The following KCNU1 variants were observed in gnomAD, a reference collection of about 807,000 sequenced individuals.
The protein encoded by KCNU1 is potassium calcium-activated channel subfamily U member 1.
In KCNU1, 93 loss-of-function variants were observed where a neutral mutation model predicts 126.8. The observed-to-expected ratio is 0.73, with a 90% CI of 0.62 to 0.87. KCNU1 has a LOEUF of 0.87. Among genes scored for constraint, KCNU1 ranks in the 40% least tolerant of loss-of-function variants. The pLI, the probability that KCNU1 is intolerant of heterozygous loss-of-function variation, is 0.00. For synonymous variants in KCNU1, 523 were observed against 494.2 expected (o/e 1.06, Z -0.77); for missense variants, 1,330 against 1,367.1 (o/e 0.97, Z 0.43).
intron 19 of KCNU1, among the ~76,000 whole-genome samples, chr8:36,880,392 A>G (rs1806432211): frequency 6.6e-6 from 1 of 152,102 alleles, no homozygotes; most frequent in Admixed American, 6.6e-5. Flanking sequence ...GGCCTCTTGG[A>G]GCTGAGTCAA....
intron 18 of KCNU1, among the ~76,000 whole-genome samples, chr8:36,851,172 T>C (rs1415978573): frequency 6.6e-6 from 1 of 152,198 alleles, no homozygotes; most frequent in East Asian, 1.9e-4. Context: ...TTTGGAAATA[T>C]CTTAATTATA....
At chr8:36,900,058 T>C (rs1047145741) in intron 19 of KCNU1, among the ~76,000 whole-genome samples, 2 of 152,132 alleles carry the variant, frequency 1.3e-5, no homozygotes, top group Non-Finnish European at 2.9e-5. Context: ...CAGGCTGCTG[T>C]CAACGTATGT....
chr8:36,881,866 A>G (rs915706021), intron 19 of KCNU1, among the ~76,000 whole-genome samples: 10 of 150,750 alleles, frequency 6.6e-5, no homozygotes, highest in African/African-American at 2.4e-4. Context: ...TGGCCCCTAC[A>G]TTTGTCAAAG....
intron 22 of KCNU1, among the ~76,000 whole-genome samples, chr8:36,913,657 G>A (rs933819347): frequency 6.7e-5 from 10 of 150,018 alleles, no homozygotes; most frequent in East Asian, 2.0e-4. Flanking sequence ...GCTGGAGTGC[G>A]GTGGTGCGAT....
At chr8:36,841,497 G>T (rs973994993) in intron 16 of KCNU1, among the ~76,000 whole-genome samples, 3 of 152,104 alleles carry the variant, frequency 2.0e-5, no homozygotes, top group Non-Finnish European at 2.9e-5. Context: ...TTCAAGAGCA[G>T]CCTGGCCAAC....
chr8:36,820,170 T>C (rs1034265716), intron 10 of KCNU1, among the ~76,000 whole-genome samples: 3 of 152,178 alleles, frequency 2.0e-5, no homozygotes, highest in Non-Finnish European at 2.9e-5. Flanking sequence ...CAACAATACA[T>C]GGAACGGAAG....
rs370401497 is a variant in KCNU1, at chr8:36,836,391, A to G, written c.1365+26A>G. The stretch of plus-strand genomic sequence containing the variant: ...GTATAGTAACATTCTAGCATATTCC[A>G]TCTCCTCCTTTTATCTATATAGCTA... On this transcript the variant is annotated intron_variant, in intron 13 of 26. Transcript: ENST00000399881. 10 of 1,432,996 alleles carry G rather than the reference A, an allele frequency of 7.0e-6. No homozygotes were observed. The African/African-American group carries it at 9.8e-5, about 14-fold the overall frequency. 88.8% of individuals were successfully genotyped at this position (1,432,996 alleles called of 1,614,324 possible).
At chr8:36,912,695 G>C (rs921093641) in intron 22 of KCNU1, among the ~76,000 whole-genome samples, 2 of 152,010 alleles carry the variant, frequency 1.3e-5, no homozygotes, top group African/African-American at 4.8e-5. Context: ...GTATAGGCAG[G>C]GCGCGGTGGC....
intron 2 of KCNU1, among the ~76,000 whole-genome samples, chr8:36,797,059 G>T (rs891133355): frequency 6.6e-6 from 1 of 152,152 alleles, no homozygotes; most frequent in Non-Finnish European, 1.5e-5. Flanking sequence ...CCTCACCAGA[G>T]AGGCAGAACT....
chr8:36,785,110 C>T (rs1802667559), intron 1 of KCNU1, among the ~76,000 whole-genome samples: 1 of 152,218 alleles, frequency 6.6e-6, no homozygotes, highest in Admixed American at 6.5e-5. Flanking sequence ...CCCATGCATA[C>T]ATGCCTGTGC....
chr8:36,889,730 C>G (rs1806880401), intron 19 of KCNU1, among the ~76,000 whole-genome samples: 1 of 151,938 alleles, frequency 6.6e-6, no homozygotes, highest in Non-Finnish European at 1.5e-5. Flanking sequence ...GTAGCTGAGA[C>G]CTTTCTAAAA....
chr8:36,803,453 G>A (rs1487667417), intron 2 of KCNU1, among the ~76,000 whole-genome samples: 4 of 151,954 alleles, frequency 2.6e-5, no homozygotes, highest in South Asian at 2.1e-4. Context: ...TGCATTCCCC[G>A]AGATACCCTA....
intron 19 of KCNU1, among the ~76,000 whole-genome samples, chr8:36,894,552 A>G (rs1444911737): frequency 6.6e-6 from 1 of 152,156 alleles, no homozygotes; most frequent in Non-Finnish European, 1.5e-5. Context: ...AATATCACTT[A>G]AAAATGAGGA....
At chr8:36,834,211 TCAA>T (rs1440237556) in intron 11 of KCNU1, among the ~76,000 whole-genome samples, 4 of 152,124 alleles carry the variant, frequency 2.6e-5, no homozygotes, top group African/African-American at 4.8e-5. Flanking sequence ...TCTCGGAGAA[TCAA>T]CAAACAGAAA....
At chr8:36,789,343 G>A (rs992889608) in intron 2 of KCNU1, among the ~76,000 whole-genome samples, 3 of 151,674 alleles carry the variant, frequency 2.0e-5, no homozygotes, top group Non-Finnish European at 4.4e-5. Context: ...CAGCCTAGGC[G>A]ACAGAGAGAG....
In KCNU1 at chr8:36,931,069, C is replaced by G. The variant is rs201722462; in HGVS notation, c.2855C>G (p.Thr952Arg). The G allele has an allele frequency of 1.9e-6, 3 of 1,611,652 alleles. No individual in the cohort carries two copies. The highest frequency in any genetic ancestry group is 1.3e-5 in the African/African-American group (1 of 74,796). ...DKVYGVADSC[T>R]SLLSGRNRCK... Reference sequence around the variant, plus strand: ...GTCTATGGTGTGGCAGATAGCTGCACGTCGCTCTTGTCTGGAAGAAACCGG... The same window carrying G: ...GTCTATGGTGTGGCAGATAGCTGCAGGTCGCTCTTGTCTGGAAGAAACCGG... The change falls in exon 25 of 27, where the codon ACG becomes AGG. Residue 952 changes from threonine (T) to arginine (R), a missense_variant. By Grantham distance (71) the Thr-to-Arg change is moderately conservative. Coordinates refer to ENST00000399881, the MANE Select transcript of KCNU1 (RefSeq NM_001031836.3).
intron 14 of KCNU1, 62 bp from the exon 15 acceptor site, chr8:36,840,401 T>A: frequency 2.6e-6 from 2 of 782,942 alleles, no homozygotes; most frequent in East Asian, 5.2e-5. Context: ...ATATGCAATG[T>A]GAATTCTAAC....
rs749026223 is a variant in KCNU1, at chr8:36,802,108, CAAAAAAAA to C, written c.316-1902_316-1895del. Among the ~76,000 whole-genome samples, 586 of 72,366 alleles carry C rather than the reference CAAAAAAAA, an allele frequency of 8.1e-3. 5 individuals are homozygous for C. Among genetic ancestry groups the C allele is most frequent in the African/African-American group, 0.027 (527 of 19,700 alleles). The allele number at this position is 72,366 out of a possible 152,430, so 47.5% of individuals were successfully genotyped here. On this transcript the variant is annotated intron_variant, in intron 2 of 26. Coordinates refer to ENST00000399881, the MANE Select transcript of KCNU1 (RefSeq NM_001031836.3). ...TGGGGAAAAGAGCGAAACTCCGTCTCAAAAAAAAAAAAAAAAAAAAAAAAGGAACTTAC... is the reference window on the plus strand; with the variant it reads ...TGGGGAAAAGAGCGAAACTCCGTCTCAAAAAAAAAAAAAAAAGGAACTTAC...
At chr8:36,858,515 GTA>G (rs1333010202) in intron 18 of KCNU1, among the ~76,000 whole-genome samples, 1 of 152,048 alleles carries the variant, frequency 6.6e-6, no homozygotes, top group African/African-American at 2.4e-5. Flanking sequence ...TGTAAATTTA[GTA>G]TAGTTTCATG....
Sources: allele counts gnomAD v4.1 joint callset (sites outside exome capture counted in the v4.1 genomes callset), GRCh38; gene constraint gnomAD v4.1.1; transcripts MANE v1.5; gene names NCBI Gene and HGNC (gene_info 2026-07-23, HGNC 2026-07-21).